The following GALNT1 variants were observed in gnomAD, a reference collection of about 807,000 sequenced individuals.
GALNT1 encodes polypeptide N-acetylgalactosaminyltransferase 1.
A neutral mutation model predicts 65.7 loss-of-function variants in GALNT1; 17 were observed. The observed-to-expected ratio is 0.26, with a 90% CI of 0.18 to 0.39. The LOEUF is 0.39. Among genes scored for constraint, GALNT1 ranks in the 10% least tolerant of loss-of-function variants. The probability of loss-of-function intolerance (pLI) is 1.00; values close to 1 mark genes in which losing one functional copy is unlikely to be tolerated. For missense variants in GALNT1, 460 were observed against 672.8 expected (o/e 0.68, Z 3.50); for synonymous variants, 210 against 219.7 (o/e 0.96, Z 0.39).
chr18:35,632,225 A>G (rs1598789673), intron 1 of GALNT1, among the ~76,000 whole-genome samples: 1 of 152,382 alleles, frequency 6.6e-6, no homozygotes, highest in South Asian at 2.1e-4. Context: ...GAGCCAAAAA[A>G]GAGCCCACAT....
At chr18:35,607,331 C>T (rs1598782665) in intron 1 of GALNT1, among the ~76,000 whole-genome samples, 1 of 152,132 alleles carries the variant, frequency 6.6e-6, no homozygotes, top group East Asian at 1.9e-4. Context: ...AGACACTAAT[C>T]CTTCTGCTGG....
At chr18:35,613,713 A>G (rs1320998210) in intron 1 of GALNT1, among the ~76,000 whole-genome samples, 1 of 152,166 alleles carries the variant, frequency 6.6e-6, no homozygotes, top group Non-Finnish European at 1.5e-5. Context: ...CAAAAAACCT[A>G]TCCCTCAGTG....
chr18:35,625,329 C>G (rs1568017958), intron 1 of GALNT1, among the ~76,000 whole-genome samples: 1 of 151,974 alleles, frequency 6.6e-6, no homozygotes, highest in Non-Finnish European at 1.5e-5. Context: ...AGTAGGGAAC[C>G]AATAAAGAAG....
At chr18:35,671,188 C>G (rs577516960) in intron 3 of GALNT1, among the ~76,000 whole-genome samples, 1 of 152,106 alleles carries the variant, frequency 6.6e-6, no homozygotes, top group South Asian at 2.1e-4. Context: ...GGCAGCCTAC[C>G]ATTGAAGGGA....
intron 1 of GALNT1, among the ~76,000 whole-genome samples, chr18:35,633,248 T>G (rs1052420068): frequency 6.6e-6 from 1 of 152,158 alleles, no homozygotes. Flanking sequence ...TGCACACATA[T>G]GTTTATTGTG....
At chr18:35,658,709 C>CT (rs112714564) in intron 2 of GALNT1, among the ~76,000 whole-genome samples, 5,514 of 137,606 alleles carry the variant, frequency 0.04, 116 homozygotes, top group South Asian at 0.062. Context: ...CAAAGTTTCT[C>CT]TTTTTTTTTT....
chr18:35,661,805 T>C (rs1221798903), intron 2 of GALNT1, among the ~76,000 whole-genome samples: 2 of 152,180 alleles, frequency 1.3e-5, no homozygotes, highest in Non-Finnish European at 2.9e-5. Flanking sequence ...ACAGATGGTA[T>C]ATGTATATGT....
At chr18:35,698,695 C>T (rs1255895247) in intron 9 of GALNT1, among the ~76,000 whole-genome samples, 2 of 151,730 alleles carry the variant, frequency 1.3e-5, no homozygotes, top group Non-Finnish European at 1.5e-5. Context: ...ACAGCCAACA[C>T]GGCCAGGCGC....
intron 1 of GALNT1, among the ~76,000 whole-genome samples, chr18:35,618,312 T>A (rs1419235674): frequency 6.6e-6 from 1 of 152,118 alleles, no homozygotes; most frequent in East Asian, 1.9e-4. Context: ...CTTTAAAAAA[T>A]TTTAGTTATT....
At chr18:35,637,647 A>T (rs1343687341) in intron 1 of GALNT1, among the ~76,000 whole-genome samples, 1 of 152,246 alleles carries the variant, frequency 6.6e-6, no homozygotes, top group Non-Finnish European at 1.5e-5. Context: ...AGCTGCAGCA[A>T]GTTATCCAGA....
Position 35,709,762 on chromosome 18 carries a change from A to G in GALNT1, c.1672A>G (p.Ile558Val), listed in dbSNP as rs2048326054. The G allele has an allele frequency of 6.2e-7, 1 of 1,614,116 alleles. No individual in the cohort carries two copies. Among genetic ancestry groups the G allele is most frequent in the South Asian group, 1.1e-5 (1 of 91,064 alleles). ...TCTTCGAAACGTCACCCTGCCAGAA[A>G]TATTCTGAGACCAAATTTACAAAAA... ...WLLRNVTLPE[I>V]F The change falls in exon 12 of 12, where the codon ATA becomes GTA. Residue 558 changes from isoleucine (I) to valine (V), a missense_variant. Physicochemically the swap from Ile to Val is conservative, Grantham distance 29 (BLOSUM62 3). Coordinates refer to ENST00000269195, the MANE Select transcript of GALNT1 (RefSeq NM_020474.4).
intron 5 of GALNT1, among the ~76,000 whole-genome samples, chr18:35,685,816 C>T (rs1377131164): frequency 6.6e-6 from 1 of 152,218 alleles, no homozygotes; most frequent in Non-Finnish European, 1.5e-5. Context: ...CCTGTAATCC[C>T]AGCTCTTTGG....
At chr18:35,650,922 A>G (rs2047303903) in intron 1 of GALNT1, among the ~76,000 whole-genome samples, 1 of 152,236 alleles carries the variant, frequency 6.6e-6, no homozygotes, top group African/African-American at 2.4e-5. Context: ...AGACAGGCAT[A>G]GGAAATCACA....
chr18:35,652,497 T>C (rs979935357), intron 1 of GALNT1, among the ~76,000 whole-genome samples: 1 of 152,136 alleles, frequency 6.6e-6, no homozygotes, highest in East Asian at 1.9e-4. Context: ...CTTGTGTATG[T>C]ATGCCTAACA....
At chr18:35,668,805 T>C (rs768439380) in intron 3 of GALNT1, among the ~76,000 whole-genome samples, 3 of 152,192 alleles carry the variant, frequency 2.0e-5, no homozygotes, top group Non-Finnish European at 4.4e-5. Context: ...AAAGATAAGA[T>C]TATAAGTGAA....
At chr18:35,661,512 C>CAAAA (rs564762610) in intron 2 of GALNT1, among the ~76,000 whole-genome samples, 95 of 143,820 alleles carry the variant, frequency 6.6e-4, no homozygotes, top group Admixed American at 4.2e-3. Flanking sequence ...AAAAAAAAAT[C>CAAAA]AAAAAAAAAA....
intron 1 of GALNT1, among the ~76,000 whole-genome samples, chr18:35,629,947 A>G (rs571408330): frequency 6.6e-6 from 1 of 152,324 alleles, no homozygotes; most frequent in East Asian, 1.9e-4. Context: ...ACAAAGATCA[A>G]AAGAGACAAA....
At chr18:35,593,612 A>G (rs1253441751) in intron 1 of GALNT1, among the ~76,000 whole-genome samples, 2 of 152,024 alleles carry the variant, frequency 1.3e-5, no homozygotes, top group African/African-American at 4.8e-5. Flanking sequence ...CCCCATTGCA[A>G]GAGGGCAGCT....
chr18:35,657,180 C>T (rs2047402856), intron 2 of GALNT1, among the ~76,000 whole-genome samples: 1 of 152,160 alleles, frequency 6.6e-6, no homozygotes, highest in Admixed American at 6.5e-5. Context: ...ACTGCTGCCT[C>T]TGCCTCCTGA....
Sources: allele counts gnomAD v4.1 joint callset (sites outside exome capture counted in the v4.1 genomes callset), GRCh38; gene constraint gnomAD v4.1.1; transcripts MANE v1.5; gene names NCBI Gene and HGNC (gene_info 2026-07-23, HGNC 2026-07-21).